The following NMUR2 variants were observed in gnomAD, a reference collection of about 807,000 sequenced individuals.
The protein encoded by NMUR2 is neuromedin U receptor 2.
In NMUR2, 24 loss-of-function variants were observed where a neutral mutation model predicts 25.1. The observed-to-expected ratio is 0.96, with a 90% CI of 0.69 to 1.34. The LOEUF (loss-of-function observed/expected upper bound fraction) is 1.34. NMUR2 is among the 40% of genes most tolerant of loss of function. The pLI, the probability that NMUR2 is intolerant of heterozygous loss-of-function variation, is 0.00. For synonymous variants in NMUR2, 218 were observed against 208.1 expected, an observed-to-expected ratio of 1.05 and a Z score of -0.41; for missense variants, 533 against 512.8, an observed-to-expected ratio of 1.04 and a Z score of -0.38.
chr5:152,392,565 A>C lies in NMUR2; in HGVS notation c.938-64T>G. On this transcript the variant is annotated intron_variant, in intron 3 of 3. Transcript: ENST00000255262. ...ACTTAAGTGACCGGCATGAAGGAAG[A>C]AGCATAAATATTTACAAAGGCCTAG... 4.6e-6 allele frequency: 6 copies of C among 1,305,450 alleles called. No individual in the cohort carries two copies. The South Asian group carries it at 8.2e-5, about 18-fold the overall frequency. The allele number at this position is 1,305,450 out of a possible 1,614,324, so 80.9% of individuals were successfully genotyped here. A position where few individuals can be genotyped will look rare whatever the true frequency, so the allele number is the denominator to read the frequency against.
chr5:152,401,085 G>C (rs1753243322), intron 1 of NMUR2, among the ~76,000 whole-genome samples: 1 of 152,170 alleles, frequency 6.6e-6, no homozygotes, highest in African/African-American at 2.4e-5. Flanking sequence ...GAATAGAATA[G>C]AATCAAAACA....
In NMUR2 at chr5:152,391,924, C is replaced by G. The variant is rs1397711837; in HGVS notation, c.*267G>C. ...ATTAATCAAGGTATAGGTGCCATGC[C>G]TTTCCAGTCACGTTCTTGGCATGAA... On this transcript the variant is annotated 3_prime_UTR_variant, in exon 4 of 4. Transcript: ENST00000255262. 4 of 360,482 alleles carry G rather than the reference C, an allele frequency of 1.1e-5. No individual in the cohort carries two copies. Among genetic ancestry groups the G allele is most frequent in the African/African-American group, 8.2e-5 (4 of 48,524 alleles). The allele number at this position is 360,482 out of a possible 1,614,324, so 22.3% of individuals were successfully genotyped here.
chr5:152,400,817 A>G (rs1019079383), intron 1 of NMUR2, among the ~76,000 whole-genome samples: 4 of 152,218 alleles, frequency 2.6e-5, no homozygotes, highest in East Asian at 1.9e-4. Context: ...ACAGTTCTCA[A>G]TGGTAATTTC....
In NMUR2 at chr5:152,402,138, C is replaced by T. The variant is rs576622125; in HGVS notation, c.726+2250G>A. 1.1e-3 allele frequency among the ~76,000 whole-genome samples: 161 copies of T among 152,166 alleles called. 1 individual carries two copies. The highest frequency in any genetic ancestry group is 3.6e-3 in the African/African-American group (151 of 41,514). On this transcript the variant is annotated intron_variant, in intron 1 of 3. Coordinates refer to ENST00000255262, the MANE Select transcript of NMUR2 (RefSeq NM_020167.5). ...GTAATGAAGGAAAATCACGGAGAGC[C>T]ATGAGTACCTACAACAGGAAACAGG...
At position 152,405,262 on chromosome 5, in the gene NMUR2, T is replaced by G. The variant is rs1580892517; in HGVS notation, c.-149A>C. On this transcript the variant is annotated 5_prime_UTR_variant, in exon 1 of 4. Transcript: ENST00000255262. ...GTAAGGAAGGCTGGGAGAGAGTGAG[T>G]GTTTCACCCTCCAGGTTAGGCTGCC... 2.2e-6 allele frequency: 2 copies of G among 902,006 alleles called. No homozygotes were observed. Among genetic ancestry groups the G allele is most frequent in the Non-Finnish European group, 3.3e-6 (2 of 614,350 alleles). 55.9% of individuals were successfully genotyped at this position (902,006 alleles called of 1,614,324 possible).
chr5:152,398,293 T>C (rs1386789026), intron 1 of NMUR2, 149 bp from the exon 2 acceptor site: 1 of 624,374 alleles, frequency 1.6e-6, no homozygotes, highest in Non-Finnish European at 2.8e-6. Context: ...TGTTTAACAG[T>C]ATGTTGAAGG....
rs769998163 is a variant in NMUR2 at position 152,397,012 on chromosome 5, GTTT to G, written c.811+1045_811+1047del. Among the ~76,000 whole-genome samples, 36 of 105,730 alleles carry G rather than the reference GTTT, an allele frequency of 3.4e-4. 1 individual carries two copies. In the South Asian group the frequency reaches 9.8e-3, roughly 29 times the overall value. 69.4% of individuals were successfully genotyped at this position (105,730 alleles called of 152,430 possible). ...TGACTTTAATATGAGTGAGCTTCAT[GTTT>G]TTTTTTTTTTTTTTTTGTGAGAGTA... is the stretch of plus-strand genomic sequence containing the variant. On this transcript the variant is annotated intron_variant, in intron 2 of 3. Transcript: ENST00000255262.
At position 152,398,296 on chromosome 5, in the gene NMUR2, G is replaced by C. The variant is rs1357120856; in HGVS notation, c.727-152C>G. 1.9e-5 allele frequency: 12 copies of C among 619,928 alleles called. No individual in the cohort carries two copies. The East Asian group carries it at 3.3e-4, about 17-fold the overall frequency. The allele number at this position is 619,928 out of a possible 1,614,324, so 38.4% of individuals were successfully genotyped here. Reference sequence around the variant, plus strand: ...GACTACGTCAAATGTTTAACAGTATGTTGAAGGTGGAATTGGATTCAGGTC... The same window carrying C: ...GACTACGTCAAATGTTTAACAGTATCTTGAAGGTGGAATTGGATTCAGGTC... On this transcript the variant is annotated intron_variant, in intron 1 of 3. Coordinates refer to ENST00000255262, the MANE Select transcript of NMUR2 (RefSeq NM_020167.5).
In NMUR2 at chr5:152,404,496, G is replaced by T; in HGVS notation, c.618C>A (p.Val206=). 6.2e-7 allele frequency: 1 copy of T among 1,614,138 alleles called. No homozygotes were observed. Among genetic ancestry groups the T allele is most frequent in the South Asian group, 1.1e-5 (1 of 91,064 alleles). The change falls in exon 1 of 4, where the codon GTC becomes GTA. Residue 206 remains valine, a synonymous_variant. Transcript: ENST00000255262. ...AATTGTAGATCCACATGGGCTTGAT[G>T]ACCGTACAGGTGGCCGAACCTGGGA... The part of the protein sequence containing the change: ...SLVPGSATCT[V]IKPMWIYNFI...
At chr5:152,393,081 T>A (rs908479048) in intron 3 of NMUR2, among the ~76,000 whole-genome samples, 4 of 152,240 alleles carry the variant, frequency 2.6e-5, no homozygotes, top group Non-Finnish European at 5.9e-5. Flanking sequence ...AACCTTCACA[T>A]TGTCATTTTC....
chr5:152,397,937 C>T, intron 2 of NMUR2, 123 bp downstream of exon 2: 1 of 638,382 alleles, frequency 1.6e-6, no homozygotes, highest in Non-Finnish European at 2.7e-6. Flanking sequence ...TCTTAATCTA[C>T]TCTCATAAAT....
In NMUR2 at chr5:152,404,835, CAGG is replaced by C. The variant is rs1561699880; in HGVS notation, c.276_278del (p.Leu93del). 6.2e-7 allele frequency: 1 copy of C among 1,614,046 alleles called. No homozygotes were observed. The highest frequency in any genetic ancestry group is 1.1e-5 in the South Asian group (1 of 91,080). On this transcript the variant is annotated inframe_deletion, in exon 1 of 4. Coordinates refer to ENST00000255262, the MANE Select transcript of NMUR2 (RefSeq NM_020167.5). ...CCAGGGGCATTCCAAGGAGCAGGAC[CAGG>C]AGGTCAGAGACCGCCAGGCTGAAGA...
Position 152,392,061 on chromosome 5 carries a change from A to G in NMUR2, c.*130T>C. On this transcript the variant is annotated 3_prime_UTR_variant, in exon 4 of 4. Transcript: ENST00000255262. ...CAGTTTTCACGTTTATTAAAAAAAAAAAAACTAGCAATGGGTACATGAGTT... is the reference window on the plus strand; with the variant it reads ...CAGTTTTCACGTTTATTAAAAAAAAGAAAACTAGCAATGGGTACATGAGTT... 5.1e-6 allele frequency: 4 copies of G among 779,834 alleles called. No individual in the cohort carries two copies. Among genetic ancestry groups the G allele is most frequent in the South Asian group, 2.1e-5 (1 of 48,136 alleles). The allele number at this position is 779,834 out of a possible 1,614,324, so 48.3% of individuals were successfully genotyped here. A position where few individuals can be genotyped will look rare whatever the true frequency, so the allele number is the denominator to read the frequency against.
chr5:152,394,844 C>CTTTTTTT (rs34269811), intron 3 of NMUR2, among the ~76,000 whole-genome samples: 1 of 103,184 alleles, frequency 9.7e-6, no homozygotes, highest in Non-Finnish European at 1.9e-5. Flanking sequence ...GTACAGGAGG[C>CTTTTTTT]TTTTTTTTTT....
In NMUR2 at chr5:152,392,442, G is replaced by A. The variant is rs368160909; in HGVS notation, c.997C>T (p.Arg333Cys). 3.5e-5 allele frequency: 57 copies of A among 1,613,890 alleles called. No individual in the cohort carries two copies. The highest frequency in any genetic ancestry group is 3.3e-4 in the East Asian group (15 of 44,886). The part of the protein sequence containing the change: ...NPIIYNLLSR[R>C]FQAAFQNVIS... ...ACATTCTGGAATGCTGCCTGGAAGC[G>A]GCGAGACAGTAGGTTATAGATAATG... The change falls in exon 4 of 4, where the codon CGC (arginine) becomes TGC (cysteine). Residue 333 changes from arginine to cysteine, a missense_variant. Arg to Cys is a radical substitution (Grantham distance 180). Coordinates refer to ENST00000255262, the MANE Select transcript of NMUR2 (RefSeq NM_020167.5).
At chr5:152,402,310 C>T (rs1453964709) in intron 1 of NMUR2, among the ~76,000 whole-genome samples, 1 of 152,082 alleles carries the variant, frequency 6.6e-6, no homozygotes, top group Non-Finnish European at 1.5e-5. Context: ...CATAAAGGCC[C>T]TGCGATCAGT....
chr5:152,392,795 A>G (rs917230042), intron 3 of NMUR2, among the ~76,000 whole-genome samples: 1 of 152,200 alleles, frequency 6.6e-6, no homozygotes, highest in Non-Finnish European at 1.5e-5. Flanking sequence ...ATTAAAGAAC[A>G]TGTTTCTATA....
chr5:152,395,914 T>G (rs1753140595), intron 2 of NMUR2, among the ~76,000 whole-genome samples: 1 of 152,082 alleles, frequency 6.6e-6, no homozygotes. Context: ...TAATAAACTG[T>G]TAAATGTGTA....
In NMUR2 at chr5:152,405,254, A is replaced by G. The variant is rs1247988934; in HGVS notation, c.-141T>C. On this transcript the variant is annotated 5_prime_UTR_variant, in exon 1 of 4. Transcript: ENST00000255262. ...CAGGCTTCGTAAGGAAGGCTGGGAG[A>G]GAGTGAGTGTTTCACCCTCCAGGTT... The G allele has an allele frequency of 1.0e-6, 1 of 1,004,100 alleles. No homozygotes were observed. The highest frequency in any genetic ancestry group is 1.4e-6 in the Non-Finnish European group (1 of 702,148). 62.2% of individuals were successfully genotyped at this position (1,004,100 alleles called of 1,614,324 possible).
Sources: gnomAD v4.1 joint callset for allele counts (sites outside exome capture counted in the v4.1 genomes callset) on GRCh38, gnomAD v4.1.1 for gene constraint, MANE v1.5 for transcripts, NCBI Gene and HGNC (gene_info 2026-07-23, HGNC 2026-07-21) for gene names.